Variants in RIN3 observed in about 807,000 individuals in gnomAD.
RIN3 encodes RAB5 interacting protein 3.
Under a neutral mutation model 76.3 loss-of-function variants are expected in RIN3, and 54 were observed. That is an observed-to-expected ratio of 0.71 (90% CI 0.57 to 0.89). The LOEUF is 0.89. Ranked by LOEUF, RIN3 falls within the 40% of genes least tolerant of loss-of-function variation. The pLI is 0.00. For synonymous variants in RIN3, 576 were observed against 564.0 expected, an observed-to-expected ratio of 1.02 and a Z score of -0.30; for missense variants, 1,256 against 1,322.1, an observed-to-expected ratio of 0.95 and a Z score of 0.78.
rs924607786 is a variant in RIN3, at chr14:92,648,575, ACT to A, written c.533-3003_533-3002del. 3.1e-4 allele frequency among the ~76,000 whole-genome samples: 47 copies of A among 151,798 alleles called. No individual in the cohort carries two copies. The highest frequency in any genetic ancestry group is 2.9e-3 in the Admixed American group (44 of 15,256). ...CTGTGTCCCCTTCCTCAGAGGCCTG[ACT>A]CTCCACTCCGGCTAAGCTAATCCAC... On this transcript the variant is annotated intron_variant, in intron 5 of 9. Transcript: ENST00000216487. The surrounding 1 kb of genome is among the most constrained non-coding windows in gnomAD (Gnocchi z 4.1).
intron 3 of RIN3, among the ~76,000 whole-genome samples, chr14:92,599,674 G>A (rs1040967247): frequency 3.3e-5 from 5 of 152,150 alleles, no homozygotes; most frequent in African/African-American, 1.2e-4. Context: ...AAGGAAGAGT[G>A]CAAGGTAGAG....
chr14:92,674,244 G>C (rs564335982), intron 7 of RIN3, among the ~76,000 whole-genome samples: 2 of 152,288 alleles, frequency 1.3e-5, no homozygotes, highest in South Asian at 4.1e-4. Flanking sequence ...TCTGGGGTTG[G>C]AGACTCAGCC....
chr14:92,593,568 C>G (rs1232533733), intron 3 of RIN3, among the ~76,000 whole-genome samples: 1 of 152,004 alleles, frequency 6.6e-6, no homozygotes, highest in Admixed American at 6.6e-5. Context: ...GGAGGGGTTG[C>G]ATTAGGAGAT....
intron 2 of RIN3, among the ~76,000 whole-genome samples, chr14:92,571,968 A>G (rs1046541072): frequency 4.6e-5 from 7 of 152,358 alleles, no homozygotes; most frequent in African/African-American, 1.4e-4. Flanking sequence ...CCAAGGGGGC[A>G]TAAGGCAGAG....
At chr14:92,626,236 C>T (rs536427203) in intron 4 of RIN3, among the ~76,000 whole-genome samples, 1 of 152,286 alleles carries the variant, frequency 6.6e-6, no homozygotes, top group East Asian at 1.9e-4. Flanking sequence ...TTCTGGTCTG[C>T]TGCAGGAACA....
At chr14:92,647,119 G>A (rs572373273) in intron 5 of RIN3, among the ~76,000 whole-genome samples, 1 of 152,302 alleles carries the variant, frequency 6.6e-6, no homozygotes, top group African/African-American at 2.4e-5. Flanking sequence ...TGCAACAAAT[G>A]TCCAAAGAGT....
intron 1 of RIN3, among the ~76,000 whole-genome samples, chr14:92,523,138 G>C (rs1175643922): frequency 1.3e-5 from 2 of 152,154 alleles, no homozygotes; most frequent in East Asian, 3.8e-4. Context: ...TTGAGATGTA[G>C]TTTTGCTCTT....
rs1048324483 is a variant in RIN3, at chr14:92,623,372, A to G, written c.440+7893A>G. On this transcript the variant is annotated intron_variant, in intron 4 of 9. Transcript: ENST00000216487. This position sits in a 1 kb window ranked among gnomAD's most constrained non-coding sequence, Gnocchi z 4.9. ...GCTAGTAGGCCCTAATTGTTCAGCT[A>G]TTCCTTGGATAGCATCCCTAGTGTA... 2.6e-5 allele frequency among the ~76,000 whole-genome samples: 4 copies of G among 152,236 alleles called. No individual in the cohort carries two copies. The highest frequency in any genetic ancestry group is 2.9e-5 in the Non-Finnish European group (2 of 68,042).
Position 92,514,824 on chromosome 14 carries a change from G to C in RIN3, c.44+848G>C, listed in dbSNP as rs1896394791. On this transcript the variant is annotated intron_variant, in intron 1 of 9. Coordinates refer to ENST00000216487, the MANE Select transcript of RIN3 (RefSeq NM_024832.5). This position sits in a 1 kb window ranked among gnomAD's most constrained non-coding sequence, Gnocchi z 7.2. The stretch of plus-strand genomic sequence containing the variant: ...GTCCTGAGAAGCTTCAGGTGTTGTA[G>C]AGACGCCCGGTCGGAGGCGGATTCC... Among the ~76,000 whole-genome samples the C allele has an allele frequency of 1.3e-5, 2 of 152,220 alleles. No homozygotes were observed.
intron 1 of RIN3, among the ~76,000 whole-genome samples, chr14:92,539,566 GCAGTACCGGGGA>G (rs974279895): frequency 2.0e-5 from 3 of 152,196 alleles, no homozygotes; most frequent in African/African-American, 4.8e-5. Flanking sequence ...CAAATTGCAT[GCAGTACCGGGGA>G]CAGGATTGGT....
chr14:92,618,085 G>A (rs894036451), intron 4 of RIN3, among the ~76,000 whole-genome samples: 3 of 152,136 alleles, frequency 2.0e-5, no homozygotes, highest in Admixed American at 1.3e-4. Context: ...GCCATAATGA[G>A]GTACCATTAA....
intron 5 of RIN3, among the ~76,000 whole-genome samples, chr14:92,642,091 T>G (rs59343613): frequency 0.058 from 8,731 of 151,786 alleles, 297 homozygotes; most frequent in Non-Finnish European, 0.076. Context: ...ATTTTTTTTT[T>G]CTTTTTCTTT....
intron 5 of RIN3, among the ~76,000 whole-genome samples, chr14:92,650,508 A>G (rs1887375443): frequency 6.6e-6 from 1 of 152,222 alleles, no homozygotes; most frequent in Non-Finnish European, 1.5e-5. Context: ...AATTCCTCCC[A>G]GGAGTGAAGA....
chr14:92,571,548 A>ACACT (rs1898061729), intron 2 of RIN3, among the ~76,000 whole-genome samples: 1 of 152,094 alleles, frequency 6.6e-6, no homozygotes, highest in African/African-American at 2.4e-5. Flanking sequence ...TCACACACAC[A>ACACT]CACTCACTCA....
chr14:92,655,687 C>T (rs943618976), intron 6 of RIN3, among the ~76,000 whole-genome samples: 22 of 152,188 alleles, frequency 1.4e-4, no homozygotes, highest in Admixed American at 9.2e-4. Context: ...GAGACCAGGA[C>T]GGAGGCAGCA....
At chr14:92,547,667 A>T (rs932300018) in intron 1 of RIN3, among the ~76,000 whole-genome samples, 37 of 151,464 alleles carry the variant, frequency 2.4e-4, no homozygotes, top group African/African-American at 8.5e-4. Context: ...AAGTGCTGAG[A>T]TTGCAGGTGT....
intron 1 of RIN3, among the ~76,000 whole-genome samples, chr14:92,553,468 G>A (rs967702832): frequency 6.6e-5 from 10 of 152,148 alleles, no homozygotes; most frequent in Non-Finnish European, 1.3e-4. Flanking sequence ...CAGCCAGGCC[G>A]CCCTGGCCTT....
chr14:92,630,929 A>T (rs1253616880), intron 4 of RIN3, among the ~76,000 whole-genome samples: 2 of 152,194 alleles, frequency 1.3e-5, no homozygotes, highest in Admixed American at 6.5e-5. Context: ...GTTAGCCAAG[A>T]TGGAACATCA....
chr14:92,535,760 C>T (rs954211447), intron 1 of RIN3, among the ~76,000 whole-genome samples: 23 of 150,364 alleles, frequency 1.5e-4, no homozygotes, highest in Admixed American at 2.6e-4. Context: ...CTGCAACCTC[C>T]GTCTCCCGGG....
Sources: allele counts gnomAD v4.1 joint callset (sites outside exome capture counted in the v4.1 genomes callset), GRCh38; gene constraint gnomAD v4.1.1; non-coding constraint Gnocchi (gnomAD v3.1); transcripts MANE v1.5; gene names NCBI Gene and HGNC (gene_info 2026-07-23, HGNC 2026-07-21).